The following ANO5 variants were observed in gnomAD, a reference collection of about 807,000 sequenced individuals.
ANO5 encodes the protein anoctamin-5.
In ANO5, 109 loss-of-function variants were observed where a neutral mutation model predicts 121.0. That is an observed-to-expected ratio of 0.90 (90% CI 0.77 to 1.06). The LOEUF (loss-of-function observed/expected upper bound fraction) is 1.06. Among genes scored for constraint, ANO5 ranks in the 50% least tolerant of loss-of-function variants. ANO5 has a pLI of 0.00. For synonymous variants in ANO5, 406 were observed against 359.9 expected, an observed-to-expected ratio of 1.13 and a Z score of -1.45; for missense variants, 1,064 against 1,078.5, an observed-to-expected ratio of 0.99 and a Z score of 0.19.
intron 5 of ANO5, among the ~76,000 whole-genome samples, chr11:22,225,037 A>G (rs979102154): frequency 1.3e-5 from 2 of 152,102 alleles, no homozygotes; most frequent in East Asian, 1.9e-4. Flanking sequence ...GGGAAAAACA[A>G]TATAATGCAT....
intron 17 of ANO5, among the ~76,000 whole-genome samples, chr11:22,267,090 A>G (rs1179847120): frequency 6.6e-6 from 1 of 152,192 alleles, no homozygotes; most frequent in Non-Finnish European, 1.5e-5. Context: ...CATTTTCATT[A>G]TTATTTACTA....
Position 22,259,588 on chromosome 11 carries a change from A to G in ANO5, c.1477A>G (p.Ser493Gly), listed in dbSNP as rs1480046514. 1.2e-6 allele frequency: 2 copies of G among 1,614,074 alleles called. No homozygotes were observed. Among genetic ancestry groups the G allele is most frequent in the African/African-American group, 1.3e-5 (1 of 75,026 alleles). ...YRLSVFATFASFMESDASLKQ... is the reference protein window; with the variant it reads ...YRLSVFATFAGFMESDASLKQ... Reference sequence around the variant, plus strand: ...CCTGTCAGTCTTTGCTACATTTGCTAGTTTCATGGAAAGTGATGCATCCTT... The same window carrying G: ...CCTGTCAGTCTTTGCTACATTTGCTGGTTTCATGGAAAGTGATGCATCCTT... Residue 493 changes from serine (S) to glycine (G), a missense_variant, in exon 15 of 22, where the codon AGT becomes GGT. Ser to Gly is a moderately conservative substitution (Grantham distance 56, BLOSUM62 0). Coordinates refer to ENST00000324559, the MANE Select transcript of ANO5 (RefSeq NM_213599.3).
intron 7 of ANO5, among the ~76,000 whole-genome samples, chr11:22,234,317 T>C (rs1318021094): frequency 6.6e-6 from 1 of 152,118 alleles, no homozygotes; most frequent in Non-Finnish European, 1.5e-5. Context: ...CATTATCTCA[T>C]CCCTTCTTAA....
chr11:22,267,454 C>G (rs1259675582), intron 17 of ANO5, among the ~76,000 whole-genome samples: 1 of 150,142 alleles, frequency 6.7e-6, no homozygotes, highest in Admixed American at 6.6e-5. Flanking sequence ...ATATTATCTA[C>G]AATACTTTTT....
intron 2 of ANO5, among the ~76,000 whole-genome samples, chr11:22,209,631 C>G (rs1362924840): frequency 6.6e-6 from 1 of 151,832 alleles, no homozygotes; most frequent in African/African-American, 2.4e-5. Context: ...AGAATTGTGT[C>G]TAGAAGTACA....
chr11:22,201,026 T>C (rs1005382826), intron 1 of ANO5, among the ~76,000 whole-genome samples: 1 of 152,220 alleles, frequency 6.6e-6, no homozygotes. Flanking sequence ...AGTATTTGCA[T>C]ATAACCTATG....
At chr11:22,258,930 G>A (rs995806768) in intron 14 of ANO5, among the ~76,000 whole-genome samples, 2 of 151,982 alleles carry the variant, frequency 1.3e-5, no homozygotes, top group African/African-American at 4.8e-5. Flanking sequence ...TCAGGAGATC[G>A]AGACTATCCT....
intron 17 of ANO5, among the ~76,000 whole-genome samples, chr11:22,269,338 GGA>G (rs1854502238): frequency 8.8e-6 from 1 of 113,092 alleles, no homozygotes. Context: ...AGAAAGAGAA[GGA>G]AAAGGGAAGG....
At chr11:22,223,826 G>A (rs1292883331) in intron 5 of ANO5, among the ~76,000 whole-genome samples, 1 of 151,750 alleles carries the variant, frequency 6.6e-6, no homozygotes, top group Non-Finnish European at 1.5e-5. Flanking sequence ...TATTAAAAAG[G>A]TATGAATAAA....
chr11:22,219,891 A>ATTT lies in ANO5; in HGVS notation c.181-1191_181-1189dup, dbSNP rs5790244. On this transcript the variant is annotated intron_variant, in intron 4 of 21. Coordinates refer to ENST00000324559, the MANE Select transcript of ANO5 (RefSeq NM_213599.3). ...GGCACTTAATCTCTAGGTTCCCTAGATTTTTTTTTTTTTTTTTAATTCTTA... is the reference window on the plus strand; with the variant it reads ...GGCACTTAATCTCTAGGTTCCCTAGATTTTTTTTTTTTTTTTTTTTAATTCTTA... Among the ~76,000 whole-genome samples the ATTT allele has an allele frequency of 6.5e-3, 911 of 139,260 alleles. 4 individuals carry two copies. Among genetic ancestry groups the ATTT allele is most frequent in the Non-Finnish European group, 8.4e-3 (542 of 64,830 alleles). The allele number at this position is 139,260 out of a possible 152,430, so 91.4% of individuals were successfully genotyped here. A position where few individuals can be genotyped will look rare whatever the true frequency, so the allele number is the denominator to read the frequency against.
At chr11:22,233,075 T>C (rs1247223578) in intron 7 of ANO5, among the ~76,000 whole-genome samples, 1 of 151,982 alleles carries the variant, frequency 6.6e-6, no homozygotes, top group Non-Finnish European at 1.5e-5. Flanking sequence ...GTAATTGAAG[T>C]GTTCATCTGT....
chr11:22,202,638 A>C (rs895123084), intron 1 of ANO5, among the ~76,000 whole-genome samples: 1 of 152,108 alleles, frequency 6.6e-6, no homozygotes, highest in Non-Finnish European at 1.5e-5. Context: ...TCTTCACATG[A>C]TGGAAGAGGG....
chr11:22,222,371 CCT>C (rs1268266672), intron 5 of ANO5, among the ~76,000 whole-genome samples: 2 of 151,866 alleles, frequency 1.3e-5, no homozygotes, highest in African/African-American at 4.8e-5. Flanking sequence ...GACACTCTGG[CCT>C]CTCTGTTCCT....
At chr11:22,262,353 A>G in intron 16 of ANO5, 55 bp downstream of exon 16, 1 of 1,573,946 alleles carries the variant, frequency 6.4e-7, no homozygotes, top group Admixed American at 1.7e-5. Context: ...AGTATTAACA[A>G]CTTTCTGTGT....
chr11:22,258,671 A>G (rs1056043648), intron 14 of ANO5, among the ~76,000 whole-genome samples: 8 of 152,204 alleles, frequency 5.3e-5, no homozygotes, highest in Non-Finnish European at 8.8e-5. Context: ...CAATATTGAC[A>G]TGTATTTTTC....
intron 7 of ANO5, among the ~76,000 whole-genome samples, chr11:22,233,884 G>A (rs1853126368): frequency 1.3e-5 from 2 of 152,068 alleles, no homozygotes; most frequent in Non-Finnish European, 2.9e-5. Context: ...CTGTTGCCAT[G>A]GCCTTTGCTC....
intron 2 of ANO5, among the ~76,000 whole-genome samples, chr11:22,210,873 C>G (rs1852255452): frequency 6.6e-6 from 1 of 151,908 alleles, no homozygotes; most frequent in Non-Finnish European, 1.5e-5. Context: ...TGTTGGTCCT[C>G]TTCAGGATGC....
chr11:22,272,950 C>T lies in ANO5; in HGVS notation c.2196C>T (p.Asp732=). Residue 732 remains aspartate, a synonymous_variant, in exon 19 of 22, where the codon GAC becomes GAT. Coordinates refer to ENST00000324559, the MANE Select transcript of ANO5 (RefSeq NM_213599.3). ...CTCATAGCATAGGTGTTTGGCAAGACATTCTTTATGGAATGGCTGTCCTTT... is the reference window on the plus strand; with the variant it reads ...CTCATAGCATAGGTGTTTGGCAAGATATTCTTTATGGAATGGCTGTCCTTT... ...SKAHSIGVWQ[D]ILYGMAVLSV... The T allele has an allele frequency of 6.2e-7, 1 of 1,614,036 alleles. No homozygotes were observed. The highest frequency in any genetic ancestry group is 1.6e-4 in the Middle Eastern group (1 of 6,062).
At chr11:22,232,799 A>G (rs1270359566) in intron 7 of ANO5, among the ~76,000 whole-genome samples, 1 of 152,084 alleles carries the variant, frequency 6.6e-6, no homozygotes, top group Non-Finnish European at 1.5e-5. Flanking sequence ...CTAAGTATCT[A>G]TATATTCATA....
Sources: gnomAD v4.1 joint callset for allele counts (sites outside exome capture counted in the v4.1 genomes callset) on GRCh38, gnomAD v4.1.1 for gene constraint, MANE v1.5 for transcripts, NCBI Gene and HGNC (gene_info 2026-07-23, HGNC 2026-07-21) for gene names.